The following MYRIP variants were observed in gnomAD, a reference collection of about 807,000 sequenced individuals.
MYRIP encodes myosin VIIA and Rab interacting protein, also known as rab effector MyRIP.
MYRIP carries 49 observed loss-of-function variants against 98.0 expected under a neutral mutation model. That is an observed-to-expected ratio of 0.50 (90% CI 0.40 to 0.63). The LOEUF (loss-of-function observed/expected upper bound fraction) is 0.63, where lower values mean the gene tolerates loss of function less well. MYRIP is among the 30% of genes least tolerant of loss of function. MYRIP has a pLI of 0.00. For synonymous variants in MYRIP, 404 were observed against 409.5 expected (o/e 0.99, Z 0.16); for missense variants, 1,004 against 1,058.2 (o/e 0.95, Z 0.71).
At chr3:39,897,657 G>A (rs1575357489) in intron 1 of MYRIP, among the ~76,000 whole-genome samples, 1 of 152,108 alleles carries the variant, frequency 6.6e-6, no homozygotes, top group African/African-American at 2.4e-5. Flanking sequence ...TCATGGACAC[G>A]AGCCTTCTCC....
intron 2 of MYRIP, among the ~76,000 whole-genome samples, chr3:39,976,891 C>T (rs11129857): frequency 0.49 from 73,687 of 151,656 alleles, 19,073 homozygotes; most frequent in African/African-American, 0.69. Flanking sequence ...CACCAGGGCC[C>T]GTTGTGGGAG....
intron 12 of MYRIP, among the ~76,000 whole-genome samples, chr3:40,236,062 T>G (rs974824469): frequency 2.6e-5 from 4 of 152,242 alleles, no homozygotes; most frequent in Non-Finnish European, 2.9e-5. Context: ...AATAAGGTTT[T>G]GGTCAATGGC....
intron 2 of MYRIP, among the ~76,000 whole-genome samples, chr3:39,986,455 C>CCT (rs369680741): frequency 1.3e-4 from 17 of 127,008 alleles, no homozygotes; most frequent in South Asian, 6.1e-4. Context: ...TCTCTCTCTC[C>CCT]CTCTCTCTCT....
intron 1 of MYRIP, among the ~76,000 whole-genome samples, chr3:39,849,715 TC>T (rs1410388433): frequency 6.6e-6 from 1 of 152,214 alleles, no homozygotes; most frequent in Non-Finnish European, 1.5e-5. Context: ...CAACTCAGTG[TC>T]ATCTAAGTCA....
intron 2 of MYRIP, among the ~76,000 whole-genome samples, chr3:39,962,149 A>G (rs189118450): frequency 7.9e-5 from 12 of 152,268 alleles, no homozygotes; most frequent in Admixed American, 7.9e-4. Flanking sequence ...AACTTCTCAG[A>G]GCCTGTTTGC....
intron 2 of MYRIP, among the ~76,000 whole-genome samples, chr3:40,029,123 C>T (rs1303850889): frequency 1.3e-5 from 2 of 152,064 alleles, no homozygotes; most frequent in Non-Finnish European, 2.9e-5. Context: ...TCTGAGATAT[C>T]GATATAAGCC....
intron 11 of MYRIP, among the ~76,000 whole-genome samples, chr3:40,217,919 T>A (rs558683182): frequency 1.3e-5 from 2 of 152,274 alleles, no homozygotes; most frequent in South Asian, 2.1e-4. Context: ...TGACTTTAGA[T>A]TCCTGAGTTA....
intron 3 of MYRIP, among the ~76,000 whole-genome samples, chr3:40,068,877 C>T (rs979337436): frequency 5.9e-5 from 9 of 152,194 alleles, no homozygotes; most frequent in African/African-American, 1.4e-4. Flanking sequence ...ATCCACTGCA[C>T]GCCATCAGAA....
At chr3:40,173,531 C>A in intron 8 of MYRIP, 1 of 152,428 alleles carries the variant, frequency 6.6e-6, no homozygotes, top group Non-Finnish European at 1.5e-5. Context: ...ACAGTGATGA[C>A]AGGCAATAGT....
At chr3:39,821,288 A>C (rs1177640164) in intron 1 of MYRIP, among the ~76,000 whole-genome samples, 1 of 152,128 alleles carries the variant, frequency 6.6e-6, no homozygotes, top group Admixed American at 6.5e-5. Flanking sequence ...CAGAGGCAGC[A>C]AACACTTCCT....
chr3:39,959,098 C>G (rs1463527362), intron 2 of MYRIP, among the ~76,000 whole-genome samples: 1 of 152,194 alleles, frequency 6.6e-6, no homozygotes, highest in Non-Finnish European at 1.5e-5. Flanking sequence ...ACTAGCTCAA[C>G]CATTGTGGAA....
intron 12 of MYRIP, 35 bp from the exon 13 acceptor site, chr3:40,244,411 C>T: frequency 6.4e-7 from 1 of 1,570,542 alleles, no homozygotes; most frequent in Non-Finnish European, 8.7e-7. Flanking sequence ...CCCAAGTCTG[C>T]AGACATGAAC....
chr3:40,017,262 C>A (rs1162263279), intron 2 of MYRIP, among the ~76,000 whole-genome samples: 3 of 152,186 alleles, frequency 2.0e-5, no homozygotes, highest in Non-Finnish European at 2.9e-5. Flanking sequence ...TCTAGATGTG[C>A]CCTCAGAATT....
chr3:40,189,760 GC>G, intron 9 of MYRIP, 65 bp from the exon 10 acceptor site: 1 of 1,487,090 alleles, frequency 6.7e-7, no homozygotes, highest in South Asian at 1.3e-5. Flanking sequence ...GTAACAAGTG[GC>G]AACTTCATCT....
At chr3:40,085,860 C>T (rs932905767) in intron 3 of MYRIP, among the ~76,000 whole-genome samples, 2 of 152,116 alleles carry the variant, frequency 1.3e-5, no homozygotes, top group African/African-American at 4.8e-5. Flanking sequence ...AAAATTATAA[C>T]CCCATCTGAC....
chr3:40,168,800 T>TCA (rs1201498560), intron 7 of MYRIP, among the ~76,000 whole-genome samples: 1 of 152,204 alleles, frequency 6.6e-6, no homozygotes, highest in Non-Finnish European at 1.5e-5. Flanking sequence ...CCAGAGCAAG[T>TCA]CACACATCGA....
chr3:40,190,443 C>T lies in MYRIP; in HGVS notation c.1645C>T (p.Arg549Trp), dbSNP rs769963893. The T allele has an allele frequency of 5.0e-6, 8 of 1,598,220 alleles. No individual in the cohort carries two copies. The highest frequency in any genetic ancestry group is 4.5e-5 in the East Asian group (2 of 44,698). ...ACCATCTTCCCCCAGCGCCCAGCTC[C>T]GGGATCTAGACACACATCAGGTAAT... ...KEPSSPSAQL[R>W]DLDTHQVSDD... The change falls in exon 10 of 17, where the codon CGG becomes TGG. Residue 549 changes from arginine (R) to tryptophan (W), a missense_variant. Arg to Trp is a moderately radical substitution (Grantham distance 101, BLOSUM62 -3). This residue lies in a region of MYRIP where 880 missense variants were observed against 907.7 expected (regional missense o/e 0.97). Coordinates refer to ENST00000302541, the MANE Select transcript of MYRIP (RefSeq NM_015460.4).
In MYRIP at chr3:40,116,149, T is replaced by G. The variant is rs1949271930; in HGVS notation, c.333-34899T>G. On this transcript the variant is annotated intron_variant, in intron 3 of 16. Transcript: ENST00000302541. ...CTCCTGGGTCTCCAGCTGTCATCTT[T>G]TGCTTGATCCCTGGATGGGGGCACA... 2.0e-5 allele frequency among the ~76,000 whole-genome samples: 3 copies of G among 152,190 alleles called. No homozygotes were observed. In the South Asian group the frequency reaches 6.2e-4, roughly 31 times the overall value.
intron 1 of MYRIP, among the ~76,000 whole-genome samples, chr3:39,890,109 T>C (rs572235621): frequency 6.6e-6 from 1 of 152,222 alleles, no homozygotes; most frequent in Admixed American, 6.5e-5. Flanking sequence ...ATTTCCTTCT[T>C]GAAAGGGTTC....
Sources: allele counts gnomAD v4.1 joint callset (sites outside exome capture counted in the v4.1 genomes callset), GRCh38; gene constraint gnomAD v4.1.1; regional missense constraint gnomAD v4.1.1; transcripts MANE v1.5; gene names NCBI Gene and HGNC (gene_info 2026-07-23, HGNC 2026-07-21).